Variants in DHRSX observed in about 807,000 individuals in gnomAD.
DHRSX encodes the protein polyprenol dehydrogenase.
In DHRSX, 31 loss-of-function variants were observed where a neutral mutation model predicts 34.0. The observed-to-expected ratio is 0.91, with a 90% confidence interval of 0.69 to 1.23. The LOEUF is 1.23. Among genes scored for constraint, DHRSX ranks in the 50% most tolerant of loss-of-function variants. The pLI, the probability that DHRSX is intolerant of heterozygous loss-of-function variation, is 0.00. For synonymous variants in DHRSX, 201 were observed against 183.8 expected (o/e 1.09, Z -0.76); for missense variants, 414 against 428.1 (o/e 0.97, Z 0.29).
intron 5 of DHRSX, among the ~76,000 whole-genome samples, chrX:2,259,019 A>C (rs1168314544): frequency 6.6e-6 from 1 of 152,204 alleles, no homozygotes; most frequent in Non-Finnish European, 1.5e-5. Flanking sequence ...TCACGCCTGT[A>C]ATCCCAGCAC....
chrX:2,262,870 TC>T (rs2041383065), intron 5 of DHRSX, among the ~76,000 whole-genome samples: 4 of 152,134 alleles, frequency 2.6e-5, no homozygotes. Flanking sequence ...GGAGCTCAAT[TC>T]GACAAAACAG....
intron 3 of DHRSX, among the ~76,000 whole-genome samples, chrX:2,372,013 T>G (rs1163854793): frequency 2.0e-5 from 3 of 152,146 alleles, no homozygotes; most frequent in African/African-American, 7.2e-5. Flanking sequence ...GAGTTTTTCT[T>G]TTCCCTTAAT....
chrX:2,483,970 G>A (rs2124062194), intron 1 of DHRSX, among the ~76,000 whole-genome samples: 1 of 152,264 alleles, frequency 6.6e-6, no homozygotes, highest in South Asian at 2.1e-4. Context: ...ATAAAATTTA[G>A]TGCCCACGAA....
chrX:2,299,792 T>G (rs1000216073), intron 3 of DHRSX, among the ~76,000 whole-genome samples: 2 of 150,012 alleles, frequency 1.3e-5, no homozygotes, highest in African/African-American at 4.9e-5. Context: ...GAGGTGGAGG[T>G]TGCAGTAAGC....
chrX:2,407,681 C>T (rs927535431), intron 3 of DHRSX, among the ~76,000 whole-genome samples: 1 of 152,178 alleles, frequency 6.6e-6, no homozygotes, highest in African/African-American at 2.4e-5. Flanking sequence ...TTTTTCCTAC[C>T]ACCCTGACCG....
chrX:2,390,719 A>T (rs1020980563), intron 3 of DHRSX, among the ~76,000 whole-genome samples: 1 of 152,168 alleles, frequency 6.6e-6, no homozygotes, highest in Non-Finnish European at 1.5e-5. Flanking sequence ...ACCTCATAGG[A>T]GTGGAATCCT....
intron 3 of DHRSX, among the ~76,000 whole-genome samples, chrX:2,305,636 GA>G (rs2042088991): frequency 6.6e-6 from 1 of 152,092 alleles, no homozygotes; most frequent in Non-Finnish European, 1.5e-5. Context: ...GTGGCACATA[GA>G]CACCATGGAC....
intron 6 of DHRSX, among the ~76,000 whole-genome samples, chrX:2,225,276 A>T (rs895774894): frequency 6.7e-6 from 1 of 148,882 alleles, no homozygotes; most frequent in Non-Finnish European, 1.5e-5. Flanking sequence ...CACAGCTCAC[A>T]CACATGCACT....
chrX:2,336,734 A>G (rs1482396552), intron 3 of DHRSX, among the ~76,000 whole-genome samples: 1 of 151,850 alleles, frequency 6.6e-6, no homozygotes, highest in Non-Finnish European at 1.5e-5. Flanking sequence ...TACTGCCCAC[A>G]TCGTTATTTC....
At chrX:2,391,294 TAAAG>T (rs2043332699) in intron 3 of DHRSX, among the ~76,000 whole-genome samples, 1 of 152,150 alleles carries the variant, frequency 6.6e-6, no homozygotes, top group Non-Finnish European at 1.5e-5. Flanking sequence ...AGTTCAATAA[TAAAG>T]AAACTCTCCA....
chrX:2,407,236 C>T (rs2043567348), intron 3 of DHRSX, among the ~76,000 whole-genome samples: 2 of 152,118 alleles, frequency 1.3e-5, no homozygotes, highest in Non-Finnish European at 1.5e-5. Flanking sequence ...TTTGGCTGAG[C>T]GACGGATGAA....
chrX:2,418,871 C>G (rs1045264383), intron 2 of DHRSX, among the ~76,000 whole-genome samples: 2 of 152,146 alleles, frequency 1.3e-5, no homozygotes, highest in African/African-American at 4.8e-5. Flanking sequence ...TGGTCAAAAC[C>G]AAGGGTTGCC....
chrX:2,283,469 T>C (rs1006484511), intron 4 of DHRSX, among the ~76,000 whole-genome samples: 2 of 152,070 alleles, frequency 1.3e-5, no homozygotes, highest in African/African-American at 2.4e-5. Flanking sequence ...TGCGCCGCGA[T>C]GCAACACTTT....
At chrX:2,446,129 G>C (rs888141575) in intron 1 of DHRSX, among the ~76,000 whole-genome samples, 5 of 143,038 alleles carry the variant, frequency 3.5e-5, no homozygotes, top group South Asian at 2.3e-4. Flanking sequence ...AGACGTTCCA[G>C]AAGTGTGCGG....
intron 5 of DHRSX, among the ~76,000 whole-genome samples, chrX:2,256,089 G>C (rs1199713944): frequency 6.8e-6 from 1 of 147,306 alleles, no homozygotes; most frequent in African/African-American, 2.5e-5. Context: ...CCACCTCCCC[G>C]GTTCAAGCAA....
At chrX:2,389,693 T>A (rs1183468066) in intron 3 of DHRSX, among the ~76,000 whole-genome samples, 11 of 152,240 alleles carry the variant, frequency 7.2e-5, no homozygotes, top group Non-Finnish European at 8.8e-5. Context: ...TTATTTATTC[T>A]TCTCTGTATC....
intron 2 of DHRSX, among the ~76,000 whole-genome samples, chrX:2,409,434 C>G (rs2043598995): frequency 4.6e-5 from 7 of 152,198 alleles, no homozygotes; most frequent in Admixed American, 4.6e-4. Flanking sequence ...GCCCCCTCAA[C>G]CCCTCGACAG....
chrX:2,346,733 G>T (rs1569491945), intron 3 of DHRSX, among the ~76,000 whole-genome samples: 1 of 151,940 alleles, frequency 6.6e-6, no homozygotes, highest in Non-Finnish European at 1.5e-5. Flanking sequence ...ATGTGCCATG[G>T]TGGTTTGCTG....
At chrX:2,406,075 C>T (rs1217039684) in intron 3 of DHRSX, among the ~76,000 whole-genome samples, 1 of 152,050 alleles carries the variant, frequency 6.6e-6, no homozygotes, top group Non-Finnish European at 1.5e-5. Flanking sequence ...GAACGGATCA[C>T]GAGGTCAGGA....
Sources: allele counts gnomAD v4.1 joint callset (sites outside exome capture counted in the v4.1 genomes callset), GRCh38; gene constraint gnomAD v4.1.1; transcripts MANE v1.5; gene names NCBI Gene and HGNC (gene_info 2026-07-23, HGNC 2026-07-21).